Variants in COL23A1 observed in about 807,000 individuals in gnomAD.
COL23A1 encodes collagen type XXIII alpha 1 chain.
Under a neutral mutation model 99.3 loss-of-function variants are expected in COL23A1, and 97 were observed. The ratio of observed to expected loss-of-function variants is 0.98; its 90% confidence interval spans 0.83 to 1.16. The LOEUF (loss-of-function observed/expected upper bound fraction) is 1.16, where lower values mean the gene tolerates loss of function less well. Among genes scored for constraint, COL23A1 ranks in the 50% most tolerant of loss-of-function variants. The probability of loss-of-function intolerance (pLI) is 0.00; values close to 1 mark genes in which losing one functional copy is unlikely to be tolerated. For missense variants in COL23A1, 762 were observed against 757.4 expected (o/e 1.01, Z -0.07); for synonymous variants, 320 against 308.2 (o/e 1.04, Z -0.40).
chr5:178,568,049 G>GCCC (rs2113630573), intron 1 of COL23A1, among the ~76,000 whole-genome samples: 1 of 152,322 alleles, frequency 6.6e-6, no homozygotes, highest in Admixed American at 6.5e-5. Flanking sequence ...CCTCATGCTG[G>GCCC]CCCCATGGGC....
At chr5:178,378,686 A>G (rs1346580424) in intron 2 of COL23A1, among the ~76,000 whole-genome samples, 1 of 152,196 alleles carries the variant, frequency 6.6e-6, no homozygotes, top group Non-Finnish European at 1.5e-5. Context: ...GGGATGGAGC[A>G]GCGCTGAGTG....
At position 178,544,265 on chromosome 5, in the gene COL23A1, C is replaced by G. The variant is rs184584856; in HGVS notation, c.361+16417G>C. Among the ~76,000 whole-genome samples, 46 of 152,262 alleles carry G rather than the reference C, an allele frequency of 3.0e-4. No individual in the cohort carries two copies. Among genetic ancestry groups the G allele is most frequent in the Non-Finnish European group, 4.9e-4 (33 of 68,016 alleles). Reference sequence around the variant, plus strand: ...CCCACTGAAGTAAAGGGACTAGTGCCCAGGGAACAGAGCTCGCCGCTTACA... The same window carrying G: ...CCCACTGAAGTAAAGGGACTAGTGCGCAGGGAACAGAGCTCGCCGCTTACA... On this transcript the variant is annotated intron_variant, in intron 2 of 28. Transcript: ENST00000390654. This position sits in a 1 kb window ranked among gnomAD's most constrained non-coding sequence, Gnocchi z 4.4.
chr5:178,247,494 T>C (rs2127532680), intron 22 of COL23A1, 32 bp downstream of exon 22: 1 of 1,613,140 alleles, frequency 6.2e-7, no homozygotes, highest in East Asian at 2.2e-5. Flanking sequence ...ACGGTGAGTC[T>C]GAGGCCAGTA....
chr5:178,506,791 T>G (rs572760878), intron 2 of COL23A1, among the ~76,000 whole-genome samples: 1 of 152,354 alleles, frequency 6.6e-6, no homozygotes, highest in East Asian at 1.9e-4. Context: ...AATACCATTT[T>G]TATTACCAAC....
rs1403358102 is a variant in COL23A1, at chr5:178,434,934, G to A, written c.361+125748C>T. 6.6e-6 allele frequency among the ~76,000 whole-genome samples: 1 copy of A among 151,954 alleles called. No individual in the cohort carries two copies. Among genetic ancestry groups the A allele is most frequent in the African/African-American group, 2.4e-5 (1 of 41,380 alleles). On this transcript the variant is annotated intron_variant, in intron 2 of 28. Transcript: ENST00000390654. The surrounding 1 kb of genome is among the most constrained non-coding windows in gnomAD (Gnocchi z 4.3). Reference sequence around the variant, plus strand: ...AGGGCAGCCCAGCCCCGACCCTGCCGCCGGTCAAGACTGTGTTTCCCAGGG... The same window carrying A: ...AGGGCAGCCCAGCCCCGACCCTGCCACCGGTCAAGACTGTGTTTCCCAGGG...
intron 2 of COL23A1, among the ~76,000 whole-genome samples, chr5:178,378,834 C>G (rs1038817293): frequency 1.3e-5 from 2 of 152,162 alleles, no homozygotes; most frequent in Admixed American, 6.5e-5. Flanking sequence ...GATCCTGAGG[C>G]AGACCCAGGC....
At chr5:178,543,093 G>T (rs2113353669) in intron 2 of COL23A1, among the ~76,000 whole-genome samples, 1 of 151,984 alleles carries the variant, frequency 6.6e-6, no homozygotes, top group South Asian at 2.1e-4. Context: ...AGATCCTTTT[G>T]AGAGCATAAT....
In COL23A1 at chr5:178,387,979, A is replaced by C. The variant is rs1425179275; in HGVS notation, c.362-81060T>G. ...GCAAGTGGGAGGAGATTGATGCAGA[A>C]AGCCCCCCGCCACCATGGCCACCGC... is the stretch of plus-strand genomic sequence containing the variant. On this transcript the variant is annotated intron_variant, in intron 2 of 28. Coordinates refer to ENST00000390654, the MANE Select transcript of COL23A1 (RefSeq NM_173465.4). The surrounding 1 kb of genome is among the most constrained non-coding windows in gnomAD (Gnocchi z 4.7). Among the ~76,000 whole-genome samples the C allele has an allele frequency of 6.6e-6, 1 of 152,058 alleles. No individual in the cohort carries two copies. The highest frequency in any genetic ancestry group is 6.5e-5 in the Admixed American group (1 of 15,274).
chr5:178,247,144 G>T (rs752595424), intron 22 of COL23A1, among the ~76,000 whole-genome samples: 1 of 152,124 alleles, frequency 6.6e-6, no homozygotes, highest in Non-Finnish European at 1.5e-5. Context: ...CTTAGACTGT[G>T]GCAGCTGAGA....
chr5:178,486,745 T>A (rs748151537), intron 2 of COL23A1, among the ~76,000 whole-genome samples: 12 of 152,174 alleles, frequency 7.9e-5, no homozygotes, highest in Non-Finnish European at 1.6e-4. Context: ...AGAGGCTCTG[T>A]ATCTAAAAAG....
intron 2 of COL23A1, among the ~76,000 whole-genome samples, chr5:178,547,610 C>CA (rs1474946792): frequency 5.0e-4 from 3 of 6,044 alleles, no homozygotes; most frequent in Non-Finnish European, 4.5e-4. Context: ...CACACACACA[C>CA]CCCCCACACA....
At chr5:178,432,318 G>A (rs1766306505) in intron 2 of COL23A1, among the ~76,000 whole-genome samples, 1 of 152,212 alleles carries the variant, frequency 6.6e-6, no homozygotes, top group African/African-American at 2.4e-5. Context: ...ACAGGTGTTG[G>A]AGGAATTGAA....
chr5:178,294,891 C>T (rs1197160445), intron 3 of COL23A1, among the ~76,000 whole-genome samples: 1 of 152,220 alleles, frequency 6.6e-6, no homozygotes, highest in Non-Finnish European at 1.5e-5. Context: ...CCTATAATCC[C>T]AGCACTTTGG....
chr5:178,587,122 A>G (rs7732660), intron 1 of COL23A1, among the ~76,000 whole-genome samples: 60,246 of 152,044 alleles, frequency 0.4, 12,429 homozygotes, highest in Middle Eastern at 0.49. Context: ...ATAACATTGT[A>G]ACTATAGGTA....
intron 3 of COL23A1, among the ~76,000 whole-genome samples, chr5:178,303,709 C>A (rs933558795): frequency 6.6e-6 from 1 of 152,246 alleles, no homozygotes. Context: ...CATTTGCCCA[C>A]AAGTGCCTCT....
At chr5:178,327,316 G>C (rs953264777) in intron 2 of COL23A1, among the ~76,000 whole-genome samples, 1 of 152,174 alleles carries the variant, frequency 6.6e-6, no homozygotes, top group Non-Finnish European at 1.5e-5. Context: ...TTAGAGACAC[G>C]TGCAGGTGCC....
At chr5:178,451,841 T>C (rs1469546041) in intron 2 of COL23A1, among the ~76,000 whole-genome samples, 1 of 151,858 alleles carries the variant, frequency 6.6e-6, no homozygotes, top group African/African-American at 2.4e-5. Context: ...GAAAGAAAAG[T>C]TTCAATCTCC....
chr5:178,560,620 A>C, intron 2 of COL23A1, 62 bp downstream of exon 2: 4 of 1,490,634 alleles, frequency 2.7e-6, no homozygotes, highest in South Asian at 2.4e-5. Flanking sequence ...TGCTGTTCTC[A>C]GCAATCCCAA....
At position 178,326,497 on chromosome 5, in the gene COL23A1, C is replaced by T. The variant is rs368069024; in HGVS notation, c.362-19578G>A. ...TGCTGGGACCTTGGAATAATTCCTT[C>T]GGCTCACAGACATGACACCCTGAGA... On this transcript the variant is annotated intron_variant, in intron 2 of 28. Coordinates refer to ENST00000390654, the MANE Select transcript of COL23A1 (RefSeq NM_173465.4). Among the ~76,000 whole-genome samples the T allele has an allele frequency of 3.3e-5, 5 of 152,070 alleles. No homozygotes were observed. The East Asian group carries it at 7.7e-4, about 24-fold the overall frequency.
Sources: gnomAD v4.1 joint callset for allele counts (sites outside exome capture counted in the v4.1 genomes callset) on GRCh38, gnomAD v4.1.1 for gene constraint, Gnocchi (gnomAD v3.1) non-coding constraint, MANE v1.5 for transcripts, NCBI Gene and HGNC (gene_info 2026-07-23, HGNC 2026-07-21) for gene names.